The following TTC29 variants were observed in gnomAD, a reference collection of about 807,000 sequenced individuals.
The protein encoded by TTC29 is tetratricopeptide repeat domain 29, also known as tetratricopeptide repeat protein 29.
TTC29 carries 49 observed loss-of-function variants against 58.1 expected under a neutral mutation model. The ratio of observed to expected loss-of-function variants is 0.84; its 90% CI spans 0.67 to 1.07. The LOEUF is 1.07. TTC29 is among the 50% of genes least tolerant of loss of function. TTC29 has a pLI of 0.00. For missense variants in TTC29, 582 were observed against 555.6 expected (o/e 1.05, Z -0.48); for synonymous variants, 209 against 196.8 (o/e 1.06, Z -0.52).
chr4:146,826,375 T>C (rs1301154579), intron 9 of TTC29, among the ~76,000 whole-genome samples: 2 of 152,192 alleles, frequency 1.3e-5, no homozygotes, highest in Non-Finnish European at 2.9e-5. Context: ...TGAAGCTTAG[T>C]TTGACTGGAT....
intron 8 of TTC29, among the ~76,000 whole-genome samples, chr4:146,860,048 A>G (rs1441988290): frequency 6.6e-6 from 1 of 152,174 alleles, no homozygotes; most frequent in African/African-American, 2.4e-5. Context: ...TGACCAAAGA[A>G]GAGATTAGTT....
chr4:146,817,207 T>C lies in TTC29; in HGVS notation c.1101+2918A>G, dbSNP rs191163702. ...CCCATTGTCTCAGCCCAAAATCTCC[T>C]TAAGCTGATAAGCAACTTCAGCAAA... On this transcript the variant is annotated intron_variant, in intron 10 of 12. Transcript: ENST00000325106. Among the ~76,000 whole-genome samples, 1,365 of 152,316 alleles carry C rather than the reference T, an allele frequency of 9.0e-3. 14 individuals are homozygous for C. Among genetic ancestry groups the C allele is most frequent in the Non-Finnish European group, 0.015 (1,005 of 68,026 alleles).
chr4:146,892,889 AACAG>A (rs1732481815), intron 6 of TTC29, among the ~76,000 whole-genome samples: 2 of 152,022 alleles, frequency 1.3e-5, no homozygotes, highest in African/African-American at 2.4e-5. Context: ...GTACACCAAT[AACAG>A]ACAGACAGCC....
At chr4:146,867,357 A>T (rs1033882443) in intron 8 of TTC29, 141 bp downstream of exon 8, 1 of 425,068 alleles carries the variant, frequency 2.4e-6, no homozygotes, top group African/African-American at 2.1e-5. Flanking sequence ...GCATATTGCT[A>T]TTCTGCTTTA....
chr4:146,874,870 C>T lies in TTC29; in HGVS notation c.645G>A (p.Arg215=), dbSNP rs760747211. The T allele has an allele frequency of 3.7e-5, 59 of 1,613,412 alleles. No homozygotes were observed. Among genetic ancestry groups the T allele is most frequent in the Non-Finnish European group, 4.5e-5 (53 of 1,179,712 alleles). The change falls in exon 7 of 13, where the codon CGG becomes CGA. Residue 215 remains arginine (R), a synonymous_variant. Coordinates refer to ENST00000325106, the MANE Select transcript of TTC29 (RefSeq NM_031956.4). ...YEAFHQLTQG[R]IWKDETGRSL... is the part of the protein sequence containing the mutation. ...AGCGGCCTGTCTCATCCTTCCATAT[C>T]CGCCCCTGTGTCAATTGATGGAATG...
Position 146,803,461 on chromosome 4 carries a change from A to C in TTC29, c.1326T>G (p.Val442=). 6.4e-7 allele frequency: 1 copy of C among 1,574,646 alleles called. No individual in the cohort carries two copies. Among genetic ancestry groups the C allele is most frequent in the Non-Finnish European group, 8.6e-7 (1 of 1,157,448 alleles). Residue 442 remains valine, a synonymous_variant, in exon 11 of 13, where the codon GTT becomes GTG. Transcript: ENST00000325106. ...ESRGNIEPDP[V]TEEFRGSTVE... Reference sequence around the variant, plus strand: ...TTCTAAAAACCAATGCCTTACCAGTAACTGGATCAGGTTCAATGTTACCTC... The same window carrying C: ...TTCTAAAAACCAATGCCTTACCAGTCACTGGATCAGGTTCAATGTTACCTC...
chr4:146,755,461 G>A (rs975025349), intron 11 of TTC29, among the ~76,000 whole-genome samples: 14 of 152,058 alleles, frequency 9.2e-5, no homozygotes, highest in African/African-American at 2.2e-4. Flanking sequence ...ACACTTTCTC[G>A]TTTAAAGGAA....
intron 11 of TTC29, among the ~76,000 whole-genome samples, chr4:146,744,284 C>A (rs1363496019): frequency 6.6e-6 from 1 of 151,614 alleles, no homozygotes; most frequent in East Asian, 1.9e-4. Context: ...GTAATCCCAG[C>A]AGTTTGGGAG....
intron 6 of TTC29, among the ~76,000 whole-genome samples, chr4:146,882,267 G>C (rs1731679098): frequency 6.6e-6 from 1 of 152,000 alleles, no homozygotes; most frequent in African/African-American, 2.4e-5. Flanking sequence ...TCCCACAGTT[G>C]GTTTCAATCT....
chr4:146,708,672 C>T (rs1742248637), intron 11 of TTC29, among the ~76,000 whole-genome samples: 1 of 151,380 alleles, frequency 6.6e-6, no homozygotes, highest in Admixed American at 6.6e-5. Context: ...GTTTTCAGGT[C>T]CCTTCATTCT....
At chr4:146,832,749 C>G (rs1469485643) in intron 9 of TTC29, among the ~76,000 whole-genome samples, 1 of 152,146 alleles carries the variant, frequency 6.6e-6, no homozygotes, top group Non-Finnish European at 1.5e-5. Flanking sequence ...ACCTCGGCCT[C>G]TCAAAGTGCT....
At chr4:146,902,601 C>T (rs956445643) in intron 6 of TTC29, among the ~76,000 whole-genome samples, 1 of 152,124 alleles carries the variant, frequency 6.6e-6, no homozygotes, top group African/African-American at 2.4e-5. Flanking sequence ...CTAAATTCCA[C>T]CCATCTTCCA....
chr4:146,782,457 G>C (rs1012487590), intron 11 of TTC29, among the ~76,000 whole-genome samples: 1 of 151,830 alleles, frequency 6.6e-6, no homozygotes, highest in Non-Finnish European at 1.5e-5. Context: ...TTACATTCCT[G>C]TAAAGTTACT....
chr4:146,840,930 A>T (rs1374936059), intron 8 of TTC29, among the ~76,000 whole-genome samples: 4 of 152,174 alleles, frequency 2.6e-5, no homozygotes, highest in African/African-American at 9.6e-5. Flanking sequence ...TTCAATAGAA[A>T]GTGTGCTTTA....
chr4:146,868,270 T>G (rs1212513728), intron 7 of TTC29, among the ~76,000 whole-genome samples: 1 of 151,964 alleles, frequency 6.6e-6, no homozygotes, highest in Non-Finnish European at 1.5e-5. Context: ...ATACCTAATG[T>G]TAAATGACGA....
chr4:146,776,080 T>C (rs1463232778), intron 11 of TTC29, among the ~76,000 whole-genome samples: 1 of 152,244 alleles, frequency 6.6e-6, no homozygotes, highest in Non-Finnish European at 1.5e-5. Flanking sequence ...TCAATTCTGC[T>C]TTTTAATATT....
At chr4:146,922,116 T>C (rs1734630482) in intron 4 of TTC29, among the ~76,000 whole-genome samples, 2 of 150,684 alleles carry the variant, frequency 1.3e-5, no homozygotes, top group South Asian at 2.1e-4. Flanking sequence ...AGAACCACTA[T>C]GGAAATTTTC....
At position 146,787,898 on chromosome 4, in the gene TTC29, T is replaced by C. The variant is rs1000739299; in HGVS notation, c.1330+15559A>G. Among the ~76,000 whole-genome samples the C allele has an allele frequency of 1.1e-3, 17 of 15,388 alleles. 1 individual carries two copies. The highest frequency in any genetic ancestry group is 0.038 in the Middle Eastern group (1 of 26). The allele number at this position is 15,388 out of a possible 152,430, so 10.1% of individuals were successfully genotyped here. A position where few individuals can be genotyped will look rare whatever the true frequency, so the allele number is the denominator to read the frequency against. On this transcript the variant is annotated intron_variant, in intron 11 of 12. Transcript: ENST00000325106. ...GGTCACCAGCTGCCAATCTGCCCCC[T>C]TTTTTTTTTATTTGGAGTTCATTGC...
At chr4:146,867,274 G>T (rs549526116) in intron 8 of TTC29, among the ~76,000 whole-genome samples, 14 of 152,102 alleles carry the variant, frequency 9.2e-5, no homozygotes, top group African/African-American at 3.4e-4. Context: ...ATATCCCAAA[G>T]CACTTCATAG....
Sources: allele counts gnomAD v4.1 joint callset (sites outside exome capture counted in the v4.1 genomes callset), GRCh38; gene constraint gnomAD v4.1.1; transcripts MANE v1.5; gene names NCBI Gene and HGNC (gene_info 2026-07-23, HGNC 2026-07-21).